PPP2R5C: variants seen among roughly 807,000 people sequenced by gnomAD.
The protein encoded by PPP2R5C is serine/threonine-protein phosphatase 2A 56 kDa regulatory subunit gamma isoform.
Under a neutral mutation model 68.9 loss-of-function variants are expected in PPP2R5C, and 7 were observed. The ratio of observed to expected loss-of-function variants is 0.10; its 90% CI spans 0.06 to 0.19. PPP2R5C has a LOEUF of 0.19. Among genes scored for constraint, PPP2R5C ranks in the 10% least tolerant of loss-of-function variants. The pLI is 1.00. For missense variants in PPP2R5C, 348 were observed against 641.3 expected, an observed-to-expected ratio of 0.54 and a Z score of 4.94; for synonymous variants, 210 against 222.2, an observed-to-expected ratio of 0.95 and a Z score of 0.49.
chr14:101,854,889 G>T (rs1484349376), intron 1 of PPP2R5C, among the ~76,000 whole-genome samples: 3 of 152,160 alleles, frequency 2.0e-5, no homozygotes, highest in Admixed American at 2.0e-4. Flanking sequence ...AGCCACGTTG[G>T]CCAGGCGCAT....
At chr14:101,816,908 ATAAT>A (rs2039736464) in intron 1 of PPP2R5C, among the ~76,000 whole-genome samples, 2 of 89,704 alleles carry the variant, frequency 2.2e-5, no homozygotes, top group African/African-American at 1.3e-4. Context: ...AAATATATAT[ATAAT>A]ATATATATTT....
chr14:101,838,283 G>A (rs967493221), intron 1 of PPP2R5C, among the ~76,000 whole-genome samples: 11 of 152,180 alleles, frequency 7.2e-5, no homozygotes, highest in African/African-American at 1.7e-4. Flanking sequence ...AAATCATAGC[G>A]TGTAAGAAGT....
At chr14:101,883,870 T>G (rs1036821214) in intron 5 of PPP2R5C, among the ~76,000 whole-genome samples, 1 of 152,188 alleles carries the variant, frequency 6.6e-6, no homozygotes, top group East Asian at 1.9e-4. Flanking sequence ...GAAATGTGGA[T>G]GAATTGGTTC....
At chr14:101,832,530 C>T (rs929273201) in intron 1 of PPP2R5C, among the ~76,000 whole-genome samples, 1 of 152,134 alleles carries the variant, frequency 6.6e-6, no homozygotes, top group Non-Finnish European at 1.5e-5. Context: ...GACTGAAGTA[C>T]GGGAAACCCC....
chr14:101,765,272 G>A, intron 2 of PPP2R5C: 1 of 702,720 alleles, frequency 1.4e-6, no homozygotes, highest in Non-Finnish European at 2.6e-6. Context: ...TATTAAGCTT[G>A]ACACTTGGCA....
intron 13 of PPP2R5C, among the ~76,000 whole-genome samples, chr14:101,920,784 G>A (rs2046956371): frequency 6.6e-6 from 1 of 152,098 alleles, no homozygotes; most frequent in Non-Finnish European, 1.5e-5. Context: ...TTTGTGTTTG[G>A]AGACAGGGTC....
chr14:101,784,209 T>C (rs2037977280), intron 2 of PPP2R5C, among the ~76,000 whole-genome samples: 1 of 152,186 alleles, frequency 6.6e-6, no homozygotes, highest in East Asian at 1.9e-4. Context: ...AAGCAGCTCT[T>C]ATTGCTTATG....
At chr14:101,763,023 G>C in intron 2 of PPP2R5C, 53 bp downstream of exon 2, 3 of 1,459,924 alleles carry the variant, frequency 2.1e-6, no homozygotes, top group East Asian at 4.9e-5. Context: ...TTTAACTTCA[G>C]GTAGAAAAAC....
chr14:101,824,241 ATTC>A, intron 1 of PPP2R5C: 1 of 1,129,138 alleles, frequency 8.9e-7, no homozygotes, highest in Non-Finnish European at 1.1e-6. Flanking sequence ...AATTAGATAT[ATTC>A]TTTTTATTCG....
intron 2 of PPP2R5C, among the ~76,000 whole-genome samples, chr14:101,771,807 G>T (rs770868209): frequency 7.9e-5 from 12 of 152,080 alleles, no homozygotes; most frequent in Non-Finnish European, 1.2e-4. Flanking sequence ...CTGACCAAGG[G>T]CTGGCATGGC....
intron 2 of PPP2R5C, among the ~76,000 whole-genome samples, chr14:101,860,756 CA>C (rs2042694394): frequency 6.6e-6 from 1 of 152,182 alleles, no homozygotes; most frequent in African/African-American, 2.4e-5. Context: ...TTTTGATGTG[CA>C]TTTCTCGACA....
rs113993767 is a variant in PPP2R5C, at chr14:101,797,016, C to G, written c.259+10833C>G. On this transcript the variant is annotated intron_variant, in intron 3 of 14. Coordinates refer to the PPP2R5C transcript ENST00000328724. The surrounding 1 kb of genome is among the most constrained non-coding windows in gnomAD (Gnocchi z 4.2). ...TATTAGATACATTCAAAATGCTGTACACCCATCACTACTATCTCTACCCAA... is the reference window on the plus strand; with the variant it reads ...TATTAGATACATTCAAAATGCTGTAGACCCATCACTACTATCTCTACCCAA... The G allele has an allele frequency of 2.5e-6, 1 of 393,284 alleles. No homozygotes were observed. 24.4% of individuals were successfully genotyped at this position (393,284 alleles called of 1,614,324 possible). A position where few individuals can be genotyped will look rare whatever the true frequency, so the allele number is the denominator to read the frequency against.
chr14:101,841,635 G>A (rs761586517), intron 1 of PPP2R5C, among the ~76,000 whole-genome samples: 1 of 152,224 alleles, frequency 6.6e-6, no homozygotes, highest in Non-Finnish European at 1.5e-5. Context: ...CGGTCACTGT[G>A]GTGTTGGTGT....
At chr14:101,875,733 A>G (rs1016214368) in intron 2 of PPP2R5C, among the ~76,000 whole-genome samples, 5 of 152,162 alleles carry the variant, frequency 3.3e-5, no homozygotes, top group African/African-American at 1.2e-4. Flanking sequence ...ATTCTACCTA[A>G]ATTTTAGGTT....
intron 2 of PPP2R5C, among the ~76,000 whole-genome samples, chr14:101,863,043 C>T (rs1042857245): frequency 1.3e-5 from 2 of 151,998 alleles, no homozygotes; most frequent in Non-Finnish European, 2.9e-5. Context: ...TGCAGTGGCT[C>T]ATGCCTGTAA....
intron 3 of PPP2R5C, among the ~76,000 whole-genome samples, chr14:101,804,752 G>A (rs1489760488): frequency 6.6e-6 from 1 of 152,118 alleles, no homozygotes; most frequent in Non-Finnish European, 1.5e-5. Flanking sequence ...GGGGGGGATG[G>A]TCAATGGGTA....
intron 3 of PPP2R5C, among the ~76,000 whole-genome samples, chr14:101,788,516 A>G (rs1024466053): frequency 6.6e-6 from 1 of 152,126 alleles, no homozygotes. Flanking sequence ...TCTGTTCTAC[A>G]TCTGTTTTCT....
chr14:101,837,978 C>T (rs967244405), intron 1 of PPP2R5C, among the ~76,000 whole-genome samples: 10 of 152,176 alleles, frequency 6.6e-5, no homozygotes, highest in Non-Finnish European at 1.2e-4. Flanking sequence ...ATGTGCAGAA[C>T]CACCATTGCC....
chr14:101,919,519 A>G (rs2046893206), intron 13 of PPP2R5C, among the ~76,000 whole-genome samples: 2 of 151,746 alleles, frequency 1.3e-5, no homozygotes, highest in African/African-American at 2.4e-5. Flanking sequence ...TACCATTTTG[A>G]TTTTGTGGCT....
Sources: gnomAD v4.1 joint callset for allele counts (sites outside exome capture counted in the v4.1 genomes callset) on GRCh38, gnomAD v4.1.1 for gene constraint, Gnocchi (gnomAD v3.1) non-coding constraint, MANE v1.5 for transcripts, NCBI Gene and HGNC (gene_info 2026-07-23, HGNC 2026-07-21) for gene names.